The following C1orf159 variants were observed in gnomAD, a reference collection of about 807,000 sequenced individuals.
The protein encoded by C1orf159 is uncharacterized protein C1orf159.
In C1orf159, 19 loss-of-function variants were observed where a neutral mutation model predicts 25.6. That is an observed-to-expected ratio of 0.74 (90% CI 0.52 to 1.09). C1orf159 has a LOEUF of 1.09. Among genes scored for constraint, C1orf159 ranks in the 50% least tolerant of loss-of-function variants. The pLI is 0.00. For missense variants in C1orf159, 274 were observed against 290.6 expected (o/e 0.94, Z 0.42); for synonymous variants, 139 against 124.7 (o/e 1.12, Z -0.77).
chr1:1,105,953 T>C (rs1314241631), intron 1 of C1orf159: 1 of 152,230 alleles, frequency 6.6e-6, no homozygotes, highest in Non-Finnish European at 1.5e-5. Context: ...TTTTCTAGCA[T>C]ACCTAGAAGT....
chr1:1,112,638 T>C (rs1464900673), intron 1 of C1orf159, among the ~76,000 whole-genome samples: 2 of 151,758 alleles, frequency 1.3e-5, no homozygotes, highest in African/African-American at 2.4e-5. Flanking sequence ...ACACCGGGCA[T>C]GCTCCCTCCC....
intron 3 of C1orf159, 148 bp from the exon 4 acceptor site, chr1:1,090,576 T>C: frequency 1.2e-6 from 1 of 843,162 alleles, no homozygotes; most frequent in Non-Finnish European, 1.9e-6. Flanking sequence ...TGGCCCTCTG[T>C]CCCCTGTGGG....
chr1:1,090,622 A>G (rs1343311967), intron 3 of C1orf159, 194 bp from the exon 4 acceptor site: 5 of 700,626 alleles, frequency 7.1e-6, no homozygotes, highest in Non-Finnish European at 7.3e-6. Context: ...GCCACAGTGC[A>G]CATCCCTGTG....
chr1:1,109,374 G>A (rs898148521), intron 1 of C1orf159, among the ~76,000 whole-genome samples: 11 of 152,156 alleles, frequency 7.2e-5, no homozygotes, highest in African/African-American at 2.7e-4. Context: ...GGGCTGGGGG[G>A]CAGGGAGGAA....
intron 1 of C1orf159, among the ~76,000 whole-genome samples, chr1:1,113,534 T>C (rs182675273): frequency 3.9e-3 from 594 of 152,000 alleles, no homozygotes; most frequent in South Asian, 0.015. Context: ...CTGGGACTGT[T>C]AGTGGCAGAA....
Position 1,087,197 on chromosome 1 carries a change from G to A in C1orf159, c.252C>T (p.Gly84=), listed in dbSNP as rs371108007. Residue 84 remains glycine (G), a synonymous_variant, in exon 6 of 10, where the codon GGC becomes GGT. Coordinates refer to ENST00000421241, the MANE Select transcript of C1orf159 (RefSeq NM_017891.5). The surrounding 1 kb of genome is among the most constrained non-coding windows in gnomAD (Gnocchi z 8.3). ...YNGSECRSFA[G]PGAPFPMNRS... is the part of the protein sequence containing the mutation. ...TGTTCATGGGGAATGGCGCACCCGGGCCAGCAACTGTGGGATAGCAGAACT... is the reference window on the plus strand; with the variant it reads ...TGTTCATGGGGAATGGCGCACCCGGACCAGCAACTGTGGGATAGCAGAACT... 1 of 1,607,264 alleles carries A rather than the reference G, an allele frequency of 6.2e-7. No homozygotes were observed. Among genetic ancestry groups the A allele is most frequent in the Non-Finnish European group, 8.5e-7 (1 of 1,177,768 alleles).
At chr1:1,085,798 CCA>C in intron 7 of C1orf159, 78 bp downstream of exon 7, 1 of 1,539,906 alleles carries the variant, frequency 6.5e-7, no homozygotes, top group Non-Finnish European at 8.8e-7. Context: ...CTGGGACACT[CCA>C]GTCTCAGGCC....
intron 7 of C1orf159, among the ~76,000 whole-genome samples, chr1:1,085,579 C>T (rs1645815934): frequency 6.6e-6 from 1 of 152,236 alleles, no homozygotes; most frequent in Non-Finnish European, 1.5e-5. Context: ...CCACTCGCCC[C>T]TCGTGATGCC....
intron 3 of C1orf159, chr1:1,090,828 G>A (rs554337502): frequency 9.9e-5 from 146 of 1,469,752 alleles, no homozygotes; most frequent in Middle Eastern, 1.8e-4. Context: ...ACGAATTCAC[G>A]CCCAGGTGCC....
At chr1:1,086,159 C>T in intron 6 of C1orf159, 147 bp from the exon 7 acceptor site, 2 of 1,051,236 alleles carry the variant, frequency 1.9e-6, no homozygotes, top group African/African-American at 1.6e-5. Context: ...GAGGGCTCTG[C>T]ACATGGGCCT....
At chr1:1,103,580 A>G (rs1184340298) in intron 1 of C1orf159, among the ~76,000 whole-genome samples, 6 of 152,076 alleles carry the variant, frequency 3.9e-5, no homozygotes. Context: ...CGCAGGGGTC[A>G]GGGGTCTGCC....
chr1:1,083,375 G>A (rs192771030), intron 9 of C1orf159: 9 of 220,394 alleles, frequency 4.1e-5, no homozygotes, highest in Non-Finnish European at 3.6e-5. Flanking sequence ...AGGGGGTTAC[G>A]TCAGGGTCTC....
intron 3 of C1orf159, chr1:1,090,790 T>C: frequency 1.8e-6 from 2 of 1,142,752 alleles, no homozygotes; most frequent in Non-Finnish European, 1.3e-6. Context: ...ACAGAGGAAG[T>C]GCCCGGGCCT....
intron 4 of C1orf159, among the ~76,000 whole-genome samples, chr1:1,088,435 A>G (rs911668722): frequency 2.2e-5 from 3 of 133,984 alleles, no homozygotes; most frequent in Non-Finnish European, 4.7e-5. Flanking sequence ...CCCACCCGCC[A>G]GCAGCACAGC....
At position 1,086,028 on chromosome 1, in the gene C1orf159, G is replaced by A. The variant is rs11260587; in HGVS notation, c.311-16C>T. ...CGCGGAGCCCCTGCAAACAGACACC[G>A]CTGAGCAGACGGGCAGGACGGTGGC... On this transcript the variant is annotated splice_polypyrimidine_tract_variant and intron_variant, in intron 6 of 9. Transcript: ENST00000421241. The A allele has an allele frequency of 0.012, 18,650 of 1,612,116 alleles. 1,779 individuals carry two copies. In the African/African-American group the frequency reaches 0.21, roughly 18 times the overall value.
intron 1 of C1orf159, among the ~76,000 whole-genome samples, chr1:1,101,496 T>A (rs11578997): frequency 0.19 from 26,916 of 139,054 alleles, 2,975 homozygotes; most frequent in African/African-American, 0.38. Flanking sequence ...AAATTTTTTT[T>A]TAAATCTCAC....
At chr1:1,102,771 C>T (rs900605590) in intron 1 of C1orf159, among the ~76,000 whole-genome samples, 57 of 151,788 alleles carry the variant, frequency 3.8e-4, no homozygotes, top group African/African-American at 1.2e-3. Flanking sequence ...GAACTCCAGC[C>T]TGGGTGACAG....
rs370958516 is a variant in C1orf159, at chr1:1,087,552, C to T, written c.194G>A (p.Arg65His). Residue 65 changes from arginine (R) to histidine (H), a missense_variant, in exon 5 of 10, where the codon CGC becomes CAC. Arg to His is a conservative substitution (Grantham distance 29). Transcript: ENST00000421241. This position sits in a 1 kb window ranked among gnomAD's most constrained non-coding sequence, Gnocchi z 8.3. The part of the protein sequence containing the change: ...WNADGSASCV[R>H]CGNGTLPAYN... Reference sequence around the variant, plus strand: ...GGCTGGGAGGGTTCCGTTCCCACAGCGGACGCAGCTGGCGCTCCCGTCCGC... The same window carrying T: ...GGCTGGGAGGGTTCCGTTCCCACAGTGGACGCAGCTGGCGCTCCCGTCCGC... The T allele has an allele frequency of 4.5e-4, 699 of 1,549,278 alleles. No homozygotes were observed. Among genetic ancestry groups the T allele is most frequent in the Non-Finnish European group, 5.8e-4 (669 of 1,146,638 alleles).
At position 1,082,458 on chromosome 1, in the gene C1orf159, CG is replaced by C. The variant is rs1645757242; in HGVS notation, c.*434del. Reference sequence around the variant, plus strand: ...AGCCTCACTGTTCTCAGAGGGGTCTCGGGCCACTGGGTGTGGTGGTGCTGGA... The same window carrying C: ...AGCCTCACTGTTCTCAGAGGGGTCTCGGCCACTGGGTGTGGTGGTGCTGGA... On this transcript the variant is annotated 3_prime_UTR_variant, in exon 10 of 10. Coordinates refer to ENST00000421241, the MANE Select transcript of C1orf159 (RefSeq NM_017891.5). 9.2e-6 allele frequency: 2 copies of C among 217,416 alleles called. No homozygotes were observed. Among genetic ancestry groups the C allele is most frequent in the African/African-American group, 4.8e-5 (2 of 42,038 alleles). The allele number at this position is 217,416 out of a possible 1,614,324, so 13.5% of individuals were successfully genotyped here.
Sources: allele counts gnomAD v4.1 joint callset (sites outside exome capture counted in the v4.1 genomes callset), GRCh38; gene constraint gnomAD v4.1.1; non-coding constraint Gnocchi (gnomAD v3.1); transcripts MANE v1.5; gene names NCBI Gene and HGNC (gene_info 2026-07-23, HGNC 2026-07-21).